Variants in DCC observed in about 807,000 individuals in gnomAD.
The protein encoded by DCC is DCC netrin 1 receptor, also known as netrin receptor DCC.
A neutral mutation model predicts 172.5 loss-of-function variants in DCC; 58 were observed. The observed-to-expected ratio is 0.34, with a 90% CI of 0.27 to 0.42. The LOEUF is 0.42. Among genes scored for constraint, DCC ranks in the 10% least tolerant of loss-of-function variants. The pLI, the probability that DCC is intolerant of heterozygous loss-of-function variation, is 1.00. For synonymous variants in DCC, 709 were observed against 644.5 expected, an observed-to-expected ratio of 1.10 and a Z score of -1.52; for missense variants, 1,740 against 1,791.0, an observed-to-expected ratio of 0.97 and a Z score of 0.51.
At chr18:52,997,023 C>T (rs1227154620) in intron 5 of DCC, among the ~76,000 whole-genome samples, 4 of 152,064 alleles carry the variant, frequency 2.6e-5, no homozygotes, top group South Asian at 2.1e-4. Context: ...CATCCTTACA[C>T]GTTTGTATCC....
intron 2 of DCC, among the ~76,000 whole-genome samples, chr18:52,861,160 A>G (rs1200549505): frequency 2.0e-5 from 3 of 152,160 alleles, no homozygotes; most frequent in African/African-American, 7.2e-5. Flanking sequence ...AATTGAGTGA[A>G]TTTCTGTTTT....
chr18:53,410,656 A>G lies in DCC; in HGVS notation c.3130+10A>G, dbSNP rs11873515. 730,468 of 1,491,620 alleles carry G rather than the reference A, an allele frequency of 0.49. 186,600 individuals are homozygous for G. Among genetic ancestry groups the G allele is most frequent in the Non-Finnish European group, 0.53 (567,017 of 1,066,804 alleles). The allele number at this position is 1,491,620 out of a possible 1,614,324, so 92.4% of individuals were successfully genotyped here. On this transcript the variant is annotated intron_variant, in intron 20 of 28. Transcript: ENST00000442544. ...TTCAGGACTCTGAAAGGTTTGAATAATTTCCTATTATGCTTTTCTTTTCCT... is the reference window on the plus strand; with the variant it reads ...TTCAGGACTCTGAAAGGTTTGAATAGTTTCCTATTATGCTTTTCTTTTCCT...
intron 5 of DCC, among the ~76,000 whole-genome samples, chr18:52,950,019 A>C (rs1475306958): frequency 6.6e-6 from 1 of 152,172 alleles, no homozygotes; most frequent in Non-Finnish European, 1.5e-5. Flanking sequence ...TCTGCTAGGT[A>C]CCAGGGGCAT....
intron 5 of DCC, among the ~76,000 whole-genome samples, chr18:52,946,468 A>G (rs558055713): frequency 6.6e-6 from 1 of 150,502 alleles, no homozygotes; most frequent in African/African-American, 2.4e-5. Flanking sequence ...TTAAAATGAC[A>G]TTTTTTTTTT....
chr18:53,048,559 G>A (rs1372251605), intron 5 of DCC, among the ~76,000 whole-genome samples: 1 of 139,428 alleles, frequency 7.2e-6, no homozygotes, highest in Non-Finnish European at 1.5e-5. Flanking sequence ...ATATGCATAT[G>A]TGTATATGTA....
At chr18:52,931,413 A>G (rs2040305047) in intron 5 of DCC, among the ~76,000 whole-genome samples, 1 of 139,606 alleles carries the variant, frequency 7.2e-6, no homozygotes, top group Admixed American at 7.1e-5. Flanking sequence ...AACTTTAATC[A>G]CGCATTTTAT....
chr18:52,817,874 G>C (rs999035385), intron 2 of DCC, among the ~76,000 whole-genome samples: 1 of 151,998 alleles, frequency 6.6e-6, no homozygotes, highest in Non-Finnish European at 1.5e-5. Flanking sequence ...AGTACTCAAG[G>C]AGACCAAAAA....
At chr18:53,027,124 C>T (rs1196073879) in intron 5 of DCC, among the ~76,000 whole-genome samples, 1 of 152,110 alleles carries the variant, frequency 6.6e-6, no homozygotes, top group Non-Finnish European at 1.5e-5. Flanking sequence ...TTATTCCTCA[C>T]CATAACAGCC....
At chr18:52,367,093 G>T (rs527269445) in intron 1 of DCC, among the ~76,000 whole-genome samples, 1 of 152,192 alleles carries the variant, frequency 6.6e-6, no homozygotes. Flanking sequence ...GCGCAGCGCC[G>T]GTGGGCTGGC....
chr18:53,425,357 CTTTTTTTT>C lies in DCC; in HGVS notation c.3163+9214_3163+9221del, dbSNP rs747096336. On this transcript the variant is annotated intron_variant, in intron 21 of 28. Coordinates refer to ENST00000442544, the MANE Select transcript of DCC (RefSeq NM_005215.4). ...CCACAATTTTCCCCGTTTCTCCTCT[CTTTTTTTT>C]TTTTTTTTTTTTGAGACAGAGTCTC... is the stretch of plus-strand genomic sequence containing the variant. Among the ~76,000 whole-genome samples, 9 of 101,632 alleles carry C rather than the reference CTTTTTTTT, an allele frequency of 8.9e-5. No individual in the cohort carries two copies. In the South Asian group the frequency reaches 2.0e-3, roughly 23 times the overall value. The allele number at this position is 101,632 out of a possible 152,430, so 66.7% of individuals were successfully genotyped here.
chr18:53,381,480 A>G (rs1057019058), intron 15 of DCC, among the ~76,000 whole-genome samples: 1 of 151,974 alleles, frequency 6.6e-6, no homozygotes, highest in African/African-American at 2.4e-5. Flanking sequence ...TCCTAATCCA[A>G]ATTGGACCTG....
intron 5 of DCC, among the ~76,000 whole-genome samples, chr18:53,059,707 T>C (rs532692272): frequency 6.6e-6 from 1 of 152,156 alleles, no homozygotes; most frequent in Non-Finnish European, 1.5e-5. Flanking sequence ...TTGACTTTTT[T>C]ATGACAAGAA....
At chr18:52,935,242 T>C (rs2040365270) in intron 5 of DCC, among the ~76,000 whole-genome samples, 1 of 152,060 alleles carries the variant, frequency 6.6e-6, no homozygotes, top group Admixed American at 6.6e-5. Flanking sequence ...TCTTGTGTAG[T>C]TCTTAGATCC....
At chr18:52,465,699 A>G (rs952961315) in intron 1 of DCC, among the ~76,000 whole-genome samples, 2 of 152,110 alleles carry the variant, frequency 1.3e-5, no homozygotes, top group Non-Finnish European at 2.9e-5. Flanking sequence ...CCATTGTTCA[A>G]GGCATTTCTT....
chr18:53,382,013 A>G (rs1907782152), intron 15 of DCC, among the ~76,000 whole-genome samples: 1 of 151,464 alleles, frequency 6.6e-6, no homozygotes, highest in South Asian at 2.1e-4. Flanking sequence ...AGTGGCTCTC[A>G]TACACTGTAG....
chr18:53,036,579 G>C (rs1256331839), intron 5 of DCC, among the ~76,000 whole-genome samples: 1 of 152,018 alleles, frequency 6.6e-6, no homozygotes, highest in Non-Finnish European at 1.5e-5. Flanking sequence ...TCTCAATACA[G>C]TAAAACTGAC....
chr18:52,359,929 G>A (rs954073253), intron 1 of DCC, among the ~76,000 whole-genome samples: 4 of 152,146 alleles, frequency 2.6e-5, no homozygotes, highest in Admixed American at 2.0e-4. Flanking sequence ...ATGCCTCCAT[G>A]CTAGTAAATT....
chr18:53,234,232 A>G (rs2144622169), intron 12 of DCC, among the ~76,000 whole-genome samples: 1 of 152,082 alleles, frequency 6.6e-6, no homozygotes, highest in South Asian at 2.1e-4. Flanking sequence ...CCTAGGCAAC[A>G]AGAGTGAAAC....
rs142621099 is a variant in DCC at position 52,952,330 on chromosome 18, A to G, written c.985+26960A>G. On this transcript the variant is annotated intron_variant, in intron 5 of 28. Coordinates refer to ENST00000442544, the MANE Select transcript of DCC (RefSeq NM_005215.4). ...AAAATGAAATGTAAACATCCCCTCT[A>G]TTAATGTCTTCCTCTCATATGCACA... Among the ~76,000 whole-genome samples the G allele has an allele frequency of 5.8e-3, 876 of 152,310 alleles. 10 individuals are homozygous for G. The highest frequency in any genetic ancestry group is 0.031 in the Middle Eastern group (9 of 294).
Sources: allele counts gnomAD v4.1 joint callset (sites outside exome capture counted in the v4.1 genomes callset), GRCh38; gene constraint gnomAD v4.1.1; transcripts MANE v1.5; gene names NCBI Gene and HGNC (gene_info 2026-07-23, HGNC 2026-07-21).